Variants in KCNT2 observed in about 807,000 individuals in gnomAD.
The protein encoded by KCNT2 is potassium channel subfamily T member 2.
In KCNT2, 67 loss-of-function variants were observed where a neutral mutation model predicts 153.8. The observed-to-expected ratio is 0.44, with a 90% CI of 0.36 to 0.53. KCNT2 has a LOEUF of 0.53. Ranked by LOEUF, KCNT2 falls within the 20% of genes least tolerant of loss-of-function variation. The probability of loss-of-function intolerance (pLI) is 0.00; values close to 1 mark genes in which losing one functional copy is unlikely to be tolerated. For missense variants in KCNT2, 975 were observed against 1,354.8 expected (o/e 0.72, Z 4.40); for synonymous variants, 500 against 458.8 (o/e 1.09, Z -1.15).
intron 1 of KCNT2, among the ~76,000 whole-genome samples, 153 bp from the exon 2 acceptor site, chr1:196,492,494 T>C (rs1316039038): frequency 6.6e-6 from 1 of 152,124 alleles, no homozygotes; most frequent in Non-Finnish European, 1.5e-5. Context: ...ATTATGTATT[T>C]TAGTAAATTC....
At chr1:196,547,290 C>A (rs559182607) in intron 1 of KCNT2, among the ~76,000 whole-genome samples, 19 of 151,810 alleles carry the variant, frequency 1.3e-4, no homozygotes, top group Non-Finnish European at 2.2e-4. Flanking sequence ...TAAACTCAAA[C>A]GACTTTTGAA....
Position 196,479,296 on chromosome 1 carries a change from C to T in KCNT2, c.325-58G>A, listed in dbSNP as rs1678802086. The T allele has an allele frequency of 4.2e-6, 4 of 954,136 alleles. No individual in the cohort carries two copies. The Admixed American group carries it at 8.1e-5, about 19-fold the overall frequency. The allele number at this position is 954,136 out of a possible 1,614,324, so 59.1% of individuals were successfully genotyped here. ...GCAATACAATTAAATTATATATATT[C>T]TTGGCTATACTACTAACTTTATTTA... On this transcript the variant is annotated intron_variant, in intron 4 of 27. Transcript: ENST00000294725.
intron 1 of KCNT2, among the ~76,000 whole-genome samples, chr1:196,577,932 T>A (rs1405128214): frequency 6.6e-6 from 1 of 152,150 alleles, no homozygotes; most frequent in East Asian, 1.9e-4. Context: ...TATAATACAC[T>A]AACATTTTAA....
intron 14 of KCNT2, among the ~76,000 whole-genome samples, chr1:196,349,407 C>T (rs1321222553): frequency 6.6e-6 from 1 of 152,102 alleles, no homozygotes; most frequent in East Asian, 1.9e-4. Context: ...GGCTTGTTCT[C>T]CCTGGGCTGT....
chr1:196,547,868 A>G (rs1657321743), intron 1 of KCNT2, among the ~76,000 whole-genome samples: 1 of 151,896 alleles, frequency 6.6e-6, no homozygotes, highest in South Asian at 2.1e-4. Flanking sequence ...TAGATTAGAA[A>G]CAAACTCCAG....
At chr1:196,596,306 A>G (rs758758844) in intron 1 of KCNT2, among the ~76,000 whole-genome samples, 5 of 151,990 alleles carry the variant, frequency 3.3e-5, no homozygotes, top group Non-Finnish European at 7.4e-5. Context: ...GAATCTCCAC[A>G]CTGTTTTCCA....
intron 14 of KCNT2, among the ~76,000 whole-genome samples, chr1:196,346,476 C>T (rs572918097): frequency 6.6e-6 from 1 of 152,212 alleles, no homozygotes; most frequent in South Asian, 2.1e-4. Context: ...ATTAGAGGTA[C>T]ATATAATTTC....
intron 3 of KCNT2, among the ~76,000 whole-genome samples, chr1:196,484,074 A>G (rs1679222991): frequency 6.6e-6 from 1 of 152,158 alleles, no homozygotes; most frequent in African/African-American, 2.4e-5. Flanking sequence ...ATGTGCCACA[A>G]AAGTTACTAT....
chr1:196,330,913 C>T (rs1664396292), intron 18 of KCNT2, among the ~76,000 whole-genome samples: 1 of 151,888 alleles, frequency 6.6e-6, no homozygotes, highest in South Asian at 2.1e-4. Flanking sequence ...TTATTTTTCT[C>T]TTTAACAACA....
At chr1:196,444,636 T>A (rs1030611629) in intron 8 of KCNT2, among the ~76,000 whole-genome samples, 1 of 151,282 alleles carries the variant, frequency 6.6e-6, no homozygotes, top group African/African-American at 2.4e-5. Flanking sequence ...GCATTTCGAG[T>A]AGGGCAAATG....
In KCNT2 at chr1:196,280,883, A is replaced by T; in HGVS notation, c.2887T>A (p.Ser963Thr). ...DVPIGIYRTESQKLTTSESQI... is the reference protein window; with the variant it reads ...DVPIGIYRTETQKLTTSESQI... ...ACCTCAGATGTAGTAAGTTTCTGAG[A>T]CTCAGTCCTGTAGATTCCAATGGGA... Residue 963 changes from serine to threonine, a missense_variant, in exon 25 of 28, where the codon TCT (serine) becomes ACT (threonine). Ser to Thr is a moderately conservative substitution (Grantham distance 58). Around this residue, in one of 6 missense-constraint regions of KCNT2, gnomAD observed 241 missense variants for 271.1 expected, o/e 0.89. Transcript: ENST00000294725. The T allele has an allele frequency of 6.2e-7, 1 of 1,612,518 alleles. No homozygotes were observed. The highest frequency in any genetic ancestry group is 8.5e-7 in the Non-Finnish European group (1 of 1,178,708).
chr1:196,467,427 A>C (rs886355241), intron 7 of KCNT2, among the ~76,000 whole-genome samples: 2 of 152,020 alleles, frequency 1.3e-5, no homozygotes, highest in Non-Finnish European at 2.9e-5. Flanking sequence ...TTAACTATTT[A>C]ACAGTATTTT....
intron 11 of KCNT2, among the ~76,000 whole-genome samples, chr1:196,425,558 C>T (rs1386847897): frequency 1.3e-5 from 2 of 151,964 alleles, no homozygotes; most frequent in Non-Finnish European, 2.9e-5. Flanking sequence ...CTCAGTGAAT[C>T]TCTGACAGCT....
chr1:196,506,464 G>T (rs993036395), intron 1 of KCNT2, among the ~76,000 whole-genome samples: 4 of 151,992 alleles, frequency 2.6e-5, no homozygotes, highest in Non-Finnish European at 4.4e-5. Context: ...ATACAATAAA[G>T]AACTTCCTTA....
chr1:196,487,345 C>T (rs577797605), intron 3 of KCNT2, among the ~76,000 whole-genome samples: 124 of 151,712 alleles, frequency 8.2e-4, no homozygotes, highest in Non-Finnish European at 1.7e-3. Flanking sequence ...AGATTCCGGT[C>T]TTAGGACAAC....
chr1:196,330,393 T>C (rs1298804173), intron 18 of KCNT2, among the ~76,000 whole-genome samples: 2 of 151,910 alleles, frequency 1.3e-5, no homozygotes, highest in Non-Finnish European at 2.9e-5. Context: ...TTGGTGAAGT[T>C]AGTTGCCCAA....
At chr1:196,571,930 G>C (rs1335945535) in intron 1 of KCNT2, among the ~76,000 whole-genome samples, 1 of 152,068 alleles carries the variant, frequency 6.6e-6, no homozygotes, top group Non-Finnish European at 1.5e-5. Context: ...GACCTTGATT[G>C]TGCAGGTGTT....
chr1:196,317,360 T>C, intron 20 of KCNT2: 1 of 373,436 alleles, frequency 2.7e-6, no homozygotes, highest in South Asian at 2.0e-5. Context: ...CCTTCAAGTT[T>C]AAATGCCTAG....
chr1:196,305,338 A>C lies in KCNT2; in HGVS notation c.2491T>G (p.Ser831Ala). 1 of 1,566,604 alleles carries C rather than the reference A, an allele frequency of 6.4e-7. No individual in the cohort carries two copies. The highest frequency in any genetic ancestry group is 8.8e-7 in the Non-Finnish European group (1 of 1,137,984). Reference protein sequence around the residue: ...VNVQTLFRLFSSLSIITELTH... With the variant: ...VNVQTLFRLFASLSIITELTH... ...AGCTCTGTGATAATACTGAGACTGG[A>C]AAACAACCTACATTTCAAAAGAACA... The change falls in exon 22 of 28, where the codon TCC becomes GCC. Residue 831 changes from serine to alanine, a missense_variant. This residue lies in a region of KCNT2 where 66 missense variants were observed against 147.9 expected (regional missense o/e 0.45). Coordinates refer to ENST00000294725, the MANE Select transcript of KCNT2 (RefSeq NM_198503.5).
Sources: allele counts gnomAD v4.1 joint callset (sites outside exome capture counted in the v4.1 genomes callset), GRCh38; gene constraint gnomAD v4.1.1; regional missense constraint gnomAD v4.1.1; transcripts MANE v1.5; gene names NCBI Gene and HGNC (gene_info 2026-07-23, HGNC 2026-07-21).